The following PCDHGA5 variants were observed in gnomAD, a reference collection of about 807,000 sequenced individuals.
The protein encoded by PCDHGA5 is protocadherin gamma subfamily A, 5.
Under a neutral mutation model 56.7 loss-of-function variants are expected in PCDHGA5, and 36 were observed. That is an observed-to-expected ratio of 0.64 (90% CI 0.49 to 0.84). The LOEUF (loss-of-function observed/expected upper bound fraction) is 0.84, where lower values mean the gene tolerates loss of function less well. Among genes scored for constraint, PCDHGA5 ranks in the 40% least tolerant of loss-of-function variants. The pLI, the probability that PCDHGA5 is intolerant of heterozygous loss-of-function variation, is 0.00. For missense variants in PCDHGA5, 1,305 were observed against 1,201.5 expected (o/e 1.09, Z -1.27); for synonymous variants, 563 against 520.2 (o/e 1.08, Z -1.12).
intron 1 of PCDHGA5, chr5:141,400,280 CCG>C (rs769084717): frequency 1.2e-5 from 19 of 1,613,948 alleles, no homozygotes; most frequent in Non-Finnish European, 1.4e-5. Context: ...TCCAGCCCTG[CCG>C]CCTGGAGCTG....
rs774963460 is a variant in PCDHGA5 at position 141,366,221 on chromosome 5, G to A, written c.1891G>A (p.Ala631Thr). ...CACGGGCGAGGTGCGCACAGCGCGA[G>A]CCCTGCTGGACAGAGACGCGCTCAA... ...LHTGEVRTAR[A>T]LLDRDALKQS... is the part of the protein sequence containing the mutation. Residue 631 changes from alanine (A) to threonine (T), a missense_variant, in exon 1 of 4, where the codon GCC becomes ACC. Coordinates refer to ENST00000518069, the MANE Select transcript of PCDHGA5 (RefSeq NM_018918.3). 4 of 1,613,834 alleles carry A rather than the reference G, an allele frequency of 2.5e-6. No homozygotes were observed. Among genetic ancestry groups the A allele is most frequent in the Non-Finnish European group, 3.4e-6 (4 of 1,180,044 alleles).
At chr5:141,433,546 T>C (rs1317735935) in intron 1 of PCDHGA5, among the ~76,000 whole-genome samples, 1 of 152,090 alleles carries the variant, frequency 6.6e-6, no homozygotes, top group Non-Finnish European at 1.5e-5. Context: ...TATCAGATAT[T>C]CTTTTCTGGC....
At chr5:141,500,866 A>G (rs576713520) in intron 2 of PCDHGA5, among the ~76,000 whole-genome samples, 19 of 146,112 alleles carry the variant, frequency 1.3e-4, no homozygotes, top group South Asian at 4.3e-4. Context: ...AAACATACAC[A>G]TTCATTTACA....
chr5:141,410,164 C>G (rs756470415), intron 1 of PCDHGA5: 8 of 1,613,642 alleles, frequency 5.0e-6, no homozygotes, highest in South Asian at 2.2e-5. Context: ...AGCCGCCACT[C>G]TCTGCCACCG....
At chr5:141,405,667 G>A (rs911046478) in intron 1 of PCDHGA5, among the ~76,000 whole-genome samples, 10 of 152,044 alleles carry the variant, frequency 6.6e-5, no homozygotes, top group Non-Finnish European at 7.4e-5. Flanking sequence ...TAGTAGAGAC[G>A]GGGTGTCACC....
At chr5:141,436,486 C>A (rs2097826645) in intron 1 of PCDHGA5, among the ~76,000 whole-genome samples, 1 of 152,152 alleles carries the variant, frequency 6.6e-6, no homozygotes. Flanking sequence ...AGAAGGATAG[C>A]AGCTTTGCAA....
In PCDHGA5 at chr5:141,365,813, A is replaced by G; in HGVS notation, c.1483A>G (p.Thr495Ala). Reference protein sequence around the residue: ...ARVTYSLAEDTFQGAPLSSYV... With the variant: ...ARVTYSLAEDAFQGAPLSSYV... ...AGTCACCTACTCCCTGGCTGAAGAC[A>G]CATTTCAGGGGGCGCCCTTGTCCTC... Residue 495 changes from threonine (T) to alanine (A), a missense_variant, in exon 1 of 4, where the codon ACA becomes GCA. By Grantham distance (58) the Thr-to-Ala change is moderately conservative. Transcript: ENST00000518069. 6.2e-7 allele frequency: 1 copy of G among 1,613,876 alleles called. No individual in the cohort carries two copies. Among genetic ancestry groups the G allele is most frequent in the East Asian group, 2.2e-5 (1 of 44,874 alleles).
intron 1 of PCDHGA5, among the ~76,000 whole-genome samples, chr5:141,454,420 T>C (rs889393211): frequency 6.6e-6 from 1 of 152,218 alleles, no homozygotes; most frequent in African/African-American, 2.4e-5. Context: ...TATTTATTTA[T>C]TTAGAGACAG....
intron 1 of PCDHGA5, among the ~76,000 whole-genome samples, chr5:141,381,960 G>A (rs1283229818): frequency 6.6e-6 from 1 of 150,482 alleles, no homozygotes; most frequent in East Asian, 2.0e-4. Flanking sequence ...CTCCTGAGTA[G>A]CTGGGATTAC....
At chr5:141,421,823 G>A in intron 1 of PCDHGA5, 1 of 1,613,802 alleles carries the variant, frequency 6.2e-7, no homozygotes. Flanking sequence ...GTACTGGAGG[G>A]AAGCCTGGAC....
chr5:141,420,477 A>T (rs1469261817), intron 1 of PCDHGA5: 3 of 626,262 alleles, frequency 4.8e-6, no homozygotes, highest in Non-Finnish European at 7.0e-6. Flanking sequence ...TTTAAAGCAA[A>T]CTACATGGGT....
At chr5:141,430,811 A>G (rs1193066300) in intron 1 of PCDHGA5, 1 of 1,527,400 alleles carries the variant, frequency 6.5e-7, no homozygotes. Flanking sequence ...CCTGCTGGGA[A>G]TCCTCCTGGG....
At chr5:141,388,733 A>G in intron 1 of PCDHGA5, 1 of 1,613,986 alleles carries the variant, frequency 6.2e-7, no homozygotes, top group Non-Finnish European at 8.5e-7. Context: ...CTTTCAGTGA[A>G]GCTAGCCAGA....
chr5:141,434,132 G>A (rs2097674012), intron 1 of PCDHGA5, among the ~76,000 whole-genome samples: 1 of 152,194 alleles, frequency 6.6e-6, no homozygotes, highest in South Asian at 2.1e-4. Context: ...CCTTTAGGCT[G>A]ATTTCTATGT....
At chr5:141,372,748 C>T (rs771861396) in intron 1 of PCDHGA5, 2 of 1,613,132 alleles carry the variant, frequency 1.2e-6, no homozygotes, top group East Asian at 2.2e-5. Context: ...TGTGATGAAG[C>T]CTCTTGGTTT....
At chr5:141,415,688 T>A (rs373105795) in intron 1 of PCDHGA5, 395 of 1,545,880 alleles carry the variant, frequency 2.6e-4, no homozygotes, top group Non-Finnish European at 3.3e-4. Context: ...GGCATGATGG[T>A]GGAAAGTGTA....
chr5:141,394,667 G>C, intron 1 of PCDHGA5: 5 of 1,613,252 alleles, frequency 3.1e-6, no homozygotes, highest in Non-Finnish European at 4.2e-6. Flanking sequence ...GACTCTTCTC[G>C]GTGGGTCTGC....
chr5:141,506,435 G>T (rs1470687416), intron 3 of PCDHGA5, among the ~76,000 whole-genome samples: 1 of 126,234 alleles, frequency 7.9e-6, no homozygotes, highest in Non-Finnish European at 1.6e-5. Context: ...CAACAGTCTC[G>T]CTCTGTCTCA....
At chr5:141,408,677 G>A (rs2095149334) in intron 1 of PCDHGA5, 1 of 1,613,898 alleles carries the variant, frequency 6.2e-7, no homozygotes. Flanking sequence ...CCCTGCCACG[G>A]ATCCTGATAT....
Sources: allele counts gnomAD v4.1 joint callset (sites outside exome capture counted in the v4.1 genomes callset), GRCh38; gene constraint gnomAD v4.1.1; transcripts MANE v1.5; gene names NCBI Gene and HGNC (gene_info 2026-07-23, HGNC 2026-07-21).